CUX1: variants seen among roughly 807,000 people sequenced by gnomAD.
The protein encoded by CUX1 is protein CASP.
Under a neutral mutation model 158.8 loss-of-function variants are expected in CUX1, and 31 were observed. The ratio of observed to expected loss-of-function variants is 0.20; its 90% CI spans 0.15 to 0.26. CUX1 has a LOEUF of 0.26. CUX1 is among the 10% of genes least tolerant of loss of function. The pLI is 1.00. For synonymous variants in CUX1, 879 were observed against 862.1 expected (o/e 1.02, Z -0.34); for missense variants, 1,589 against 2,014.6 (o/e 0.79, Z 4.04).
Position 102,234,197 on chromosome 7 carries a change from C to A in CUX1, c.3579C>A (p.Asn1193Lys). 1.3e-6 allele frequency: 2 copies of A among 1,589,428 alleles called. No homozygotes were observed. The highest frequency in any genetic ancestry group is 1.7e-6 in the Non-Finnish European group (2 of 1,169,354). The change falls in exon 22 of 24, where the codon AAC becomes AAA. Residue 1193 changes from asparagine (N) to lysine (K), a missense_variant. Around this residue, in one of 8 missense-constraint regions of CUX1, gnomAD observed 259 missense variants for 373.8 expected, o/e 0.69. Coordinates refer to ENST00000292535, the MANE Select transcript of CUX1 (RefSeq NM_181552.4). ...TGCAGCTGTGGCTGAACGACCCCAA[C>A]AATGTGGAGAAGCTGATGGACATGA... ...VRMQLWLNDP[N>K]NVEKLMDMKR...
At chr7:102,193,349 G>T (rs760837252) in intron 12 of CUX1, among the ~76,000 whole-genome samples, 4 of 152,198 alleles carry the variant, frequency 2.6e-5, no homozygotes, top group Non-Finnish European at 5.9e-5. Flanking sequence ...TACATGCTAG[G>T]CAAGAAACTT....
chr7:102,189,948 G>A lies in CUX1; in HGVS notation c.1076+77G>A, dbSNP rs1440185692. 2.4e-5 allele frequency: 36 copies of A among 1,527,292 alleles called. No homozygotes were observed. The Admixed American group carries it at 6.0e-4, about 26-fold the overall frequency. 94.6% of individuals were successfully genotyped at this position (1,527,292 alleles called of 1,614,324 possible). Reference sequence around the variant, plus strand: ...ATCTGCTAACAATGCCAGGCTGGTGGCAGGAAGCCTTGGCCCCCTGCCCTC... The same window carrying A: ...ATCTGCTAACAATGCCAGGCTGGTGACAGGAAGCCTTGGCCCCCTGCCCTC... On this transcript the variant is annotated intron_variant, in intron 12 of 23. Coordinates refer to ENST00000292535, the MANE Select transcript of CUX1 (RefSeq NM_181552.4).
At chr7:101,848,081 G>GAA (rs923457695) in intron 1 of CUX1, among the ~76,000 whole-genome samples, 2 of 132,068 alleles carry the variant, frequency 1.5e-5, no homozygotes, top group African/African-American at 5.7e-5. Flanking sequence ...AAAAAGAAAA[G>GAA]AAAAAATAAA....
At position 101,947,207 on chromosome 7, in the gene CUX1, T is replaced by C. The variant is rs1277083363; in HGVS notation, c.141+30982T>C. Among the ~76,000 whole-genome samples the C allele has an allele frequency of 2.0e-5, 3 of 152,092 alleles. No homozygotes were observed. The East Asian group carries it at 5.8e-4, about 29-fold the overall frequency. ...AGTTGGGAGACCGGCCTTGGCAACA[T>C]AGTGAGTGAGACCCTGTCTTGACAA... On this transcript the variant is annotated intron_variant, in intron 2 of 23. Transcript: ENST00000292535.
intron 3 of CUX1, among the ~76,000 whole-genome samples, chr7:102,042,712 C>CT (rs889518543): frequency 3.9e-5 from 6 of 152,086 alleles, no homozygotes; most frequent in African/African-American, 1.2e-4. Context: ...CTTTTTCCCT[C>CT]TTTTTTTATC....
chr7:101,825,056 TCTG>T (rs1793102463), intron 1 of CUX1, among the ~76,000 whole-genome samples: 1 of 152,194 alleles, frequency 6.6e-6, no homozygotes, highest in Non-Finnish European at 1.5e-5. Flanking sequence ...TGCATACAGT[TCTG>T]CTGTGTCCTC....
chr7:102,098,642 CTTCTT>C (rs1180464362), intron 5 of CUX1, among the ~76,000 whole-genome samples: 4 of 100,356 alleles, frequency 4.0e-5, no homozygotes, highest in Non-Finnish European at 6.0e-5. Context: ...TTGGCAAAGA[CTTCTT>C]TTTTTTTTTT....
chr7:102,051,431 T>C (rs1238227590), intron 3 of CUX1, among the ~76,000 whole-genome samples: 2 of 151,800 alleles, frequency 1.3e-5, no homozygotes, highest in African/African-American at 4.8e-5. Flanking sequence ...GCGTATCACC[T>C]GAGCTCAGGA....
intron 1 of CUX1, among the ~76,000 whole-genome samples, chr7:101,833,710 G>A (rs1443984601): frequency 1.3e-5 from 2 of 152,024 alleles, no homozygotes; most frequent in Non-Finnish European, 2.9e-5. Context: ...AGGAGGCCAA[G>A]TCCAGGGCTC....
intron 20 of CUX1, 103 bp from the exon 21 acceptor site, chr7:102,227,264 T>A (rs1798431816): frequency 9.8e-7 from 1 of 1,017,630 alleles, no homozygotes; most frequent in African/African-American, 1.6e-5. Context: ...CGTCTGCTTC[T>A]CCTACAGAGC....
In CUX1 at chr7:102,249,347, G is replaced by A. The variant is rs1586440083; in HGVS notation, c.*305G>A. 1 of 1,007,528 alleles carries A rather than the reference G, an allele frequency of 9.9e-7. No homozygotes were observed. The highest frequency in any genetic ancestry group is 1.7e-5 in the African/African-American group (1 of 57,910). The allele number at this position is 1,007,528 out of a possible 1,614,324, so 62.4% of individuals were successfully genotyped here. On this transcript the variant is annotated 3_prime_UTR_variant, in exon 24 of 24. Transcript: ENST00000292535. ...CCCTGGACCGCTTTGCGCACTTACCGCCCTGCGGGCCACAGGGCAAAATCG... is the reference window on the plus strand; with the variant it reads ...CCCTGGACCGCTTTGCGCACTTACCACCCTGCGGGCCACAGGGCAAAATCG...
chr7:101,885,813 A>G (rs1024733872), intron 1 of CUX1, among the ~76,000 whole-genome samples: 4 of 152,218 alleles, frequency 2.6e-5, no homozygotes, highest in Non-Finnish European at 5.9e-5. Context: ...AGGAATAACA[A>G]CACTCGTTGC....
At chr7:102,263,812 C>T (rs180914249) in intron 14 of CUX1, among the ~76,000 whole-genome samples, 1 of 151,728 alleles carries the variant, frequency 6.6e-6, no homozygotes, top group South Asian at 2.1e-4. Context: ...CCTGCCCCAG[C>T]CTTCCGAGTA....
chr7:102,136,645 T>C (rs1233372314), intron 8 of CUX1, among the ~76,000 whole-genome samples: 2 of 152,218 alleles, frequency 1.3e-5, no homozygotes, highest in Non-Finnish European at 2.9e-5. Context: ...CACCTTGGCC[T>C]CCCAAAGTGC....
rs1182453795 is a variant in CUX1 at position 102,249,197 on chromosome 7, C to G, written c.*155C>G. On this transcript the variant is annotated 3_prime_UTR_variant, in exon 24 of 24. Coordinates refer to ENST00000292535, the MANE Select transcript of CUX1 (RefSeq NM_181552.4). ...GAGCCCGCAGCCCAGACCCCCTCCA[C>G]GGTCCGCGGCCTGCACCGACCCGAG... 2.7e-6 allele frequency: 3 copies of G among 1,116,972 alleles called. No individual in the cohort carries two copies. The African/African-American group carries it at 5.0e-5, about 19-fold the overall frequency. The allele number at this position is 1,116,972 out of a possible 1,614,324, so 69.2% of individuals were successfully genotyped here.
chr7:102,109,443 T>C (rs1216560232), intron 6 of CUX1, among the ~76,000 whole-genome samples: 1 of 152,204 alleles, frequency 6.6e-6, no homozygotes, highest in Non-Finnish European at 1.5e-5. Context: ...GGTGGGAGTT[T>C]AAATTGGTGA....
At chr7:102,237,172 C>T (rs1006529198) in intron 22 of CUX1, among the ~76,000 whole-genome samples, 8 of 152,228 alleles carry the variant, frequency 5.3e-5, no homozygotes, top group Non-Finnish European at 1.0e-4. Context: ...TTCTCAATTG[C>T]TTCTGAGTTC....
At chr7:101,833,394 AAAAG>A (rs1336495282) in intron 1 of CUX1, among the ~76,000 whole-genome samples, 7 of 151,562 alleles carry the variant, frequency 4.6e-5, no homozygotes, top group Admixed American at 1.3e-4. Flanking sequence ...AGAAAAAAAA[AAAAG>A]AAAGAAATTA....
chr7:102,196,604 A>C, intron 14 of CUX1, 30 bp from the exon 15 acceptor site: 1 of 1,501,794 alleles, frequency 6.7e-7, no homozygotes, highest in South Asian at 1.4e-5. Flanking sequence ...GGAATCCCCC[A>C]TAATGCATTC....
Sources: gnomAD v4.1 joint callset for allele counts (sites outside exome capture counted in the v4.1 genomes callset) on GRCh38, gnomAD v4.1.1 for gene constraint, gnomAD v4.1.1 regional missense constraint, MANE v1.5 for transcripts, NCBI Gene and HGNC (gene_info 2026-07-23, HGNC 2026-07-21) for gene names.